PIK3AP1: variants seen among roughly 807,000 people sequenced by gnomAD.
PIK3AP1 encodes the protein phosphoinositide 3-kinase adapter protein 1.
A neutral mutation model predicts 88.1 loss-of-function variants in PIK3AP1; 21 were observed. The observed-to-expected ratio is 0.24, with a 90% CI of 0.17 to 0.34. The LOEUF (loss-of-function observed/expected upper bound fraction) is 0.34. PIK3AP1 is among the 10% of genes least tolerant of loss of function. PIK3AP1 has a pLI of 1.00. For missense variants in PIK3AP1, 828 were observed against 1,035.7 expected, an observed-to-expected ratio of 0.80 and a Z score of 2.75; for synonymous variants, 398 against 400.0, an observed-to-expected ratio of 1.00 and a Z score of 0.06.
At chr10:96,599,534 G>T (rs1007347663) in intron 16 of PIK3AP1, among the ~76,000 whole-genome samples, 1 of 152,098 alleles carries the variant, frequency 6.6e-6, no homozygotes, top group African/African-American at 2.4e-5. Flanking sequence ...AGTGCTGTTT[G>T]GTTTGGGCCA....
chr10:96,619,806 G>A (rs548514495), intron 12 of PIK3AP1, among the ~76,000 whole-genome samples: 41 of 152,334 alleles, frequency 2.7e-4, no homozygotes, highest in African/African-American at 9.4e-4. Context: ...CGAAGTGGCC[G>A]TTTCCAGATC....
intron 2 of PIK3AP1, among the ~76,000 whole-genome samples, chr10:96,667,515 A>G (rs1358184765): frequency 6.6e-6 from 1 of 152,148 alleles, no homozygotes; most frequent in Non-Finnish European, 1.5e-5. Flanking sequence ...TTACAGCCAA[A>G]ATCTAAGTAC....
In PIK3AP1 at chr10:96,593,562, T is replaced by C. The variant is rs1430250330; in HGVS notation, c.*2015A>G. On this transcript the variant is annotated 3_prime_UTR_variant, in exon 17 of 17. Transcript: ENST00000339364. The stretch of plus-strand genomic sequence containing the variant: ...TTTCCCAGCCCTATTTTAAATCAAA[T>C]TCAAGTTTGCCTATGACAAAGACTG... The C allele has an allele frequency of 2.0e-5, 3 of 152,322 alleles. No individual in the cohort carries two copies. Among genetic ancestry groups the C allele is most frequent in the East Asian group, 3.9e-4 (2 of 5,190 alleles). The allele number at this position is 152,322 out of a possible 1,614,324, so 9.4% of individuals were successfully genotyped here.
intron 2 of PIK3AP1, among the ~76,000 whole-genome samples, chr10:96,659,748 T>C (rs1027131409): frequency 3.3e-5 from 5 of 150,568 alleles, no homozygotes; most frequent in Admixed American, 1.3e-4. Flanking sequence ...ATATAAAGTA[T>C]TGAAATTGTC....
chr10:96,611,440 T>A, intron 13 of PIK3AP1, among the ~76,000 whole-genome samples: 1 of 152,182 alleles, frequency 6.6e-6, no homozygotes, highest in Non-Finnish European at 1.5e-5. Flanking sequence ...TCAGTCTTTT[T>A]TTTTTTCTTC....
intron 2 of PIK3AP1, among the ~76,000 whole-genome samples, chr10:96,658,688 G>A (rs1843647720): frequency 6.6e-6 from 1 of 152,098 alleles, no homozygotes; most frequent in Non-Finnish European, 1.5e-5. Flanking sequence ...CAGGCAATGA[G>A]GCATGTACTC....
intron 2 of PIK3AP1, among the ~76,000 whole-genome samples, chr10:96,660,219 T>C (rs1843667644): frequency 1.3e-5 from 2 of 151,972 alleles, no homozygotes; most frequent in Non-Finnish European, 2.9e-5. Flanking sequence ...ACATATCTAA[T>C]AAAATACTTG....
chr10:96,653,205 G>C (rs988489588), intron 3 of PIK3AP1, among the ~76,000 whole-genome samples: 51 of 151,912 alleles, frequency 3.4e-4, no homozygotes, highest in African/African-American at 1.2e-3. Flanking sequence ...AGGAGTTTGA[G>C]ACCAGCCTGG....
chr10:96,708,938 C>T (rs904992833), intron 2 of PIK3AP1, among the ~76,000 whole-genome samples: 5 of 151,902 alleles, frequency 3.3e-5, no homozygotes, highest in Non-Finnish European at 7.4e-5. Flanking sequence ...CAAGATCAGC[C>T]TGACCAACAT....
At chr10:96,711,981 C>G (rs1589552242) in intron 1 of PIK3AP1, among the ~76,000 whole-genome samples, 2 of 151,790 alleles carry the variant, frequency 1.3e-5, no homozygotes, top group East Asian at 1.9e-4. Flanking sequence ...GTCTCGATCT[C>G]CTGACCTCGT....
intron 1 of PIK3AP1, among the ~76,000 whole-genome samples, chr10:96,711,732 T>C (rs532847754): frequency 1.4e-5 from 2 of 139,950 alleles, no homozygotes; most frequent in Non-Finnish European, 3.1e-5. Context: ...CAGGATGAGA[T>C]TACCAAATTT....
chr10:96,682,719 T>C (rs1379504675), intron 2 of PIK3AP1, among the ~76,000 whole-genome samples: 3 of 152,198 alleles, frequency 2.0e-5, no homozygotes, highest in Admixed American at 2.0e-4. Context: ...TGGTCTCTAA[T>C]CAAAACCTTA....
chr10:96,613,144 G>T (rs889065328), intron 13 of PIK3AP1, among the ~76,000 whole-genome samples: 1 of 151,202 alleles, frequency 6.6e-6, no homozygotes, highest in African/African-American at 2.4e-5. Flanking sequence ...GACTAGAGGC[G>T]CATGCCACCA....
chr10:96,673,505 C>G (rs547564923), intron 2 of PIK3AP1, among the ~76,000 whole-genome samples: 9 of 152,204 alleles, frequency 5.9e-5, no homozygotes, highest in Admixed American at 1.3e-4. Flanking sequence ...CAGCCCCCCC[C>G]GAAAGGCTTC....
chr10:96,623,715 C>T (rs1449773552), intron 10 of PIK3AP1, among the ~76,000 whole-genome samples, 178 bp from the exon 11 acceptor site: 1 of 152,140 alleles, frequency 6.6e-6, no homozygotes, highest in Non-Finnish European at 1.5e-5. Context: ...TAAACAGACA[C>T]AATCTCAAAC....
chr10:96,636,282 TGGCCAACTGGC>T (rs1843312018), intron 8 of PIK3AP1, among the ~76,000 whole-genome samples: 1 of 152,130 alleles, frequency 6.6e-6, no homozygotes. Flanking sequence ...AAAAAAATAC[TGGCCAACTGGC>T]CTTGGCATGT....
intron 1 of PIK3AP1, among the ~76,000 whole-genome samples, chr10:96,715,329 C>T (rs917136012): frequency 1.3e-5 from 2 of 152,170 alleles, no homozygotes; most frequent in African/African-American, 4.8e-5. Context: ...CCTAGGGAGA[C>T]ATGACTACCA....
chr10:96,681,104 T>C (rs538698786), intron 2 of PIK3AP1, among the ~76,000 whole-genome samples: 1 of 152,148 alleles, frequency 6.6e-6, no homozygotes, highest in Non-Finnish European at 1.5e-5. Context: ...AGCAGGGTTG[T>C]TTTTTTCTCG....
chr10:96,599,653 G>A (rs1326147540), intron 16 of PIK3AP1, among the ~76,000 whole-genome samples: 1 of 152,124 alleles, frequency 6.6e-6, no homozygotes, highest in Non-Finnish European at 1.5e-5. Flanking sequence ...CTATAAGCAG[G>A]TCAAACATTG....
Sources: gnomAD v4.1 joint callset for allele counts (sites outside exome capture counted in the v4.1 genomes callset) on GRCh38, gnomAD v4.1.1 for gene constraint, MANE v1.5 for transcripts, NCBI Gene and HGNC (gene_info 2026-07-23, HGNC 2026-07-21) for gene names.